The following TMEM260 variants were observed in gnomAD, a reference collection of about 807,000 sequenced individuals.
TMEM260 encodes the protein protein O-mannosyl-transferase TMEM260.
Under a neutral mutation model 88.9 loss-of-function variants are expected in TMEM260, and 82 were observed. That is an observed-to-expected ratio of 0.92 (90% CI 0.77 to 1.11). TMEM260 has a LOEUF of 1.11. Among genes scored for constraint, TMEM260 ranks in the 50% least tolerant of loss-of-function variants. The pLI is 0.00. For missense variants in TMEM260, 902 were observed against 853.4 expected, an observed-to-expected ratio of 1.06 and a Z score of -0.71; for synonymous variants, 314 against 309.3, an observed-to-expected ratio of 1.02 and a Z score of -0.16.
intron 1 of TMEM260, among the ~76,000 whole-genome samples, chr14:56,582,804 A>G (rs1246644782): frequency 6.6e-6 from 1 of 152,176 alleles, no homozygotes; most frequent in East Asian, 1.9e-4. Flanking sequence ...ATCACAATCA[A>G]TTTAAGAGTA....
rs1890070930 is a variant in TMEM260, at chr14:56,647,970, A to T, written c.*473A>T. 3 of 155,420 alleles carry T rather than the reference A, an allele frequency of 1.9e-5. No homozygotes were observed. The highest frequency in any genetic ancestry group is 4.8e-5 in the African/African-American group (2 of 41,452). 9.6% of individuals were successfully genotyped at this position (155,420 alleles called of 1,614,324 possible). A position where few individuals can be genotyped will look rare whatever the true frequency, so the allele number is the denominator to read the frequency against. ...GGCTTTAGGTGAGAGTACATTTTTTACAAAGTAGCTATAGTTGTTACATAG... is the reference window on the plus strand; with the variant it reads ...GGCTTTAGGTGAGAGTACATTTTTTTCAAAGTAGCTATAGTTGTTACATAG... On this transcript the variant is annotated 3_prime_UTR_variant, in exon 16 of 16. Coordinates refer to ENST00000261556, the MANE Select transcript of TMEM260 (RefSeq NM_017799.4).
In TMEM260 at chr14:56,621,743, T is replaced by TA. The variant is rs754937125; in HGVS notation, c.1398+46dup. 1.1e-5 allele frequency: 17 copies of TA among 1,534,274 alleles called. No homozygotes were observed. The South Asian group carries it at 2.0e-4, about 18-fold the overall frequency. ...ATATACTTAGAATATAGCGATGATT[T>TA]AAAAACATATGTTTTGGAAAAAACA... On this transcript the variant is annotated intron_variant, in intron 11 of 15. Coordinates refer to ENST00000261556, the MANE Select transcript of TMEM260 (RefSeq NM_017799.4).
At chr14:56,654,204 C>T (rs1594913434), downstream of TMEM260, among the ~76,000 whole-genome samples, 1 of 152,050 alleles carries the variant, frequency 6.6e-6, no homozygotes, top group Admixed American at 6.6e-5. Flanking sequence ...TTTTCTTGCC[C>T]TTTCTGGACT....
chr14:56,620,273 G>A (rs774003182), intron 10 of TMEM260, among the ~76,000 whole-genome samples: 3 of 152,154 alleles, frequency 2.0e-5, no homozygotes, highest in Non-Finnish European at 4.4e-5. Flanking sequence ...AAACCCACAC[G>A]TGTACCCTGA....
At position 56,634,923 on chromosome 14, in the gene TMEM260, T is replaced by C. The variant is rs764664072; in HGVS notation, c.1749T>C (p.Ser583=). The C allele has an allele frequency of 2.5e-6, 4 of 1,613,970 alleles. No homozygotes were observed. In the African/African-American group the frequency reaches 5.3e-5, roughly 22 times the overall value. ...YGRFDPSSWE[S]VANEEMWQAR... is the part of the protein sequence containing the mutation. ...GGTTTGATCCATCTTCTTGGGAATC[T>C]GTGGCCAATGAAGAAATGTGGCAAG... The change falls in exon 14 of 16, where the codon TCT becomes TCC. Residue 583 remains serine, a synonymous_variant. Transcript: ENST00000261556.
chr14:56,593,311 G>A (rs1321692914), intron 3 of TMEM260: 2 of 152,124 alleles, frequency 1.3e-5, no homozygotes, highest in East Asian at 3.9e-4. Flanking sequence ...TCATTTGCAT[G>A]ATCTGGGTGA....
At chr14:56,603,769 G>C in intron 3 of TMEM260, 46 bp from the exon 4 acceptor site, 1 of 1,608,580 alleles carries the variant, frequency 6.2e-7, no homozygotes, top group South Asian at 1.1e-5. Flanking sequence ...AATAAAGTTA[G>C]TTCTTTTTGT....
intron 15 of TMEM260, among the ~76,000 whole-genome samples, chr14:56,645,567 A>G (rs148485005): frequency 0.024 from 3,580 of 152,286 alleles, 96 homozygotes; most frequent in East Asian, 0.1. Context: ...TGGGTGCAGC[A>G]CACCAACATG....
At chr14:56,651,220 G>A (rs1005511414), downstream of TMEM260, among the ~76,000 whole-genome samples, 3 of 152,004 alleles carry the variant, frequency 2.0e-5, no homozygotes, top group African/African-American at 7.3e-5. Context: ...GTTTGATTTG[G>A]ATCAGCACAG....
At chr14:56,661,566 G>GGGAAGGGA in the TMEM260 span, among the ~76,000 whole-genome samples, 4 of 150,016 alleles carry the variant, frequency 2.7e-5, no homozygotes, top group South Asian at 8.6e-4. Flanking sequence ...GAGGGAAAGA[G>GGGAAGGGA]GGAAGGGAGG....
intron 12 of TMEM260, among the ~76,000 whole-genome samples, chr14:56,630,904 C>G (rs115356850): frequency 6.6e-6 from 1 of 152,104 alleles, no homozygotes; most frequent in Admixed American, 6.5e-5. Flanking sequence ...GTTGCAATAC[C>G]GGTTCTGTTT....
At chr14:56,622,337 C>G (rs1430550555) in intron 11 of TMEM260, among the ~76,000 whole-genome samples, 32 of 93,058 alleles carry the variant, frequency 3.4e-4, no homozygotes, top group African/African-American at 1.2e-3. Context: ...GGCGAGACTC[C>G]GTCTCAAAAA....
intron 3 of TMEM260, among the ~76,000 whole-genome samples, chr14:56,600,236 A>G (rs557113081): frequency 2.6e-5 from 4 of 152,342 alleles, no homozygotes; most frequent in East Asian, 1.9e-4. Context: ...ATGGACGTAC[A>G]CATGACTTTC....
At chr14:56,612,377 A>G in intron 7 of TMEM260, 92 bp downstream of exon 7, 1 of 1,107,390 alleles carries the variant, frequency 9.0e-7, no homozygotes, top group Non-Finnish European at 1.4e-6. Flanking sequence ...TCTCTTTGTA[A>G]CAAAGTATGT....
intron 9 of TMEM260, 129 bp downstream of exon 9, chr14:56,617,426 A>T (rs1887657574): frequency 5.0e-6 from 3 of 598,578 alleles, no homozygotes; most frequent in Non-Finnish European, 8.7e-6. Context: ...ATTTTTATAA[A>T]TCAAAGTTGA....
intron 8 of TMEM260, 100 bp from the exon 9 acceptor site, chr14:56,617,082 AT>A: frequency 1.6e-6 from 1 of 644,610 alleles, no homozygotes; most frequent in East Asian, 3.4e-5. Context: ...CTAGTTAAAA[AT>A]GGAAAGTTTT....
intron 1 of TMEM260, among the ~76,000 whole-genome samples, chr14:56,582,239 T>A (rs1388812900): frequency 6.6e-6 from 1 of 152,236 alleles, no homozygotes; most frequent in African/African-American, 2.4e-5. Context: ...TTCTTCCTGA[T>A]AAGTCTTACA....
chr14:56,634,304 A>G (rs1332562974), intron 13 of TMEM260, among the ~76,000 whole-genome samples: 3 of 152,204 alleles, frequency 2.0e-5, no homozygotes, highest in Admixed American at 6.5e-5. Flanking sequence ...CATCTAACAT[A>G]TAGTTCTTAT....
At chr14:56,587,625 G>A (rs868174931) in intron 3 of TMEM260, among the ~76,000 whole-genome samples, 3 of 151,878 alleles carry the variant, frequency 2.0e-5, no homozygotes, top group Non-Finnish European at 2.9e-5. Context: ...GACTAAATTA[G>A]GTATTTGAGT....
Sources: gnomAD v4.1 joint callset for allele counts (sites outside exome capture counted in the v4.1 genomes callset) on GRCh38, gnomAD v4.1.1 for gene constraint, MANE v1.5 for transcripts, NCBI Gene and HGNC (gene_info 2026-07-23, HGNC 2026-07-21) for gene names.